The following SAMD8 variants were observed in gnomAD, a reference collection of about 807,000 sequenced individuals.
SAMD8 encodes sterile alpha motif domain containing 8.
A neutral mutation model predicts 42.0 loss-of-function variants in SAMD8; 20 were observed. That is an observed-to-expected ratio of 0.48 (90% CI 0.34 to 0.69). The LOEUF (loss-of-function observed/expected upper bound fraction) is 0.69. Ranked by LOEUF, SAMD8 falls within the 30% of genes least tolerant of loss-of-function variation. The pLI, the probability that SAMD8 is intolerant of heterozygous loss-of-function variation, is 0.01. For synonymous variants in SAMD8, 162 were observed against 173.0 expected, an observed-to-expected ratio of 0.94 and a Z score of 0.50; for missense variants, 328 against 511.6, an observed-to-expected ratio of 0.64 and a Z score of 3.46.
rs1287692855 is a variant in SAMD8, at chr10:75,179,616, A to G, written c.*2924A>G. 2 of 152,176 alleles carry G rather than the reference A, an allele frequency of 1.3e-5. No homozygotes were observed. The highest frequency in any genetic ancestry group is 4.8e-5 in the African/African-American group (2 of 41,446). The allele number at this position is 152,176 out of a possible 1,614,324, so 9.4% of individuals were successfully genotyped here. On this transcript the variant is annotated 3_prime_UTR_variant, in exon 6 of 6. Coordinates refer to ENST00000542569, the MANE Select transcript of SAMD8 (RefSeq NM_001174156.2). Reference sequence around the variant, plus strand: ...TATAAGGCAGTGTTTACATAAATTAATCATCTCTTTCTTGGAAAACATTGA... The same window carrying G: ...TATAAGGCAGTGTTTACATAAATTAGTCATCTCTTTCTTGGAAAACATTGA...
At chr10:75,164,020 A>G (rs1174979007) in intron 2 of SAMD8, among the ~76,000 whole-genome samples, 1 of 152,092 alleles carries the variant, frequency 6.6e-6, no homozygotes, top group African/African-American at 2.4e-5. Flanking sequence ...GGAGTTTGAG[A>G]CCAGCCTGGG....
chr10:75,131,939 AT>A (rs1849283201), intron 1 of SAMD8, among the ~76,000 whole-genome samples: 2 of 152,210 alleles, frequency 1.3e-5, no homozygotes, highest in Non-Finnish European at 1.5e-5. Context: ...CTCTTCTGAG[AT>A]TCTGATTCAG....
At chr10:75,151,357 A>G (rs1482127639) in intron 2 of SAMD8, among the ~76,000 whole-genome samples, 1 of 151,930 alleles carries the variant, frequency 6.6e-6, no homozygotes, top group East Asian at 1.9e-4. Context: ...TTTTAATTTA[A>G]TTTTTTATTT....
At chr10:75,168,044 T>C (rs1258407504) in intron 3 of SAMD8, among the ~76,000 whole-genome samples, 1 of 152,122 alleles carries the variant, frequency 6.6e-6, no homozygotes, top group African/African-American at 2.4e-5. Flanking sequence ...TTGCCCAGGC[T>C]GGAGTGCAAT....
chr10:75,148,288 T>C (rs1290324969), intron 1 of SAMD8, among the ~76,000 whole-genome samples: 1 of 151,784 alleles, frequency 6.6e-6, no homozygotes, highest in Non-Finnish European at 1.5e-5. Context: ...GCCAAGTTAC[T>C]GTAAGTCTTC....
intron 1 of SAMD8, among the ~76,000 whole-genome samples, chr10:75,116,874 A>T (rs910589511): frequency 5.3e-5 from 8 of 151,950 alleles, no homozygotes; most frequent in African/African-American, 1.2e-4. Flanking sequence ...CAGTGGCGTG[A>T]TGTCAGTTCA....
At chr10:75,167,758 C>A (rs967687265) in intron 3 of SAMD8, among the ~76,000 whole-genome samples, 3 of 151,372 alleles carry the variant, frequency 2.0e-5, no homozygotes, top group African/African-American at 7.3e-5. Context: ...ACATCCAGCT[C>A]ATTTTTAAAT....
intron 1 of SAMD8, among the ~76,000 whole-genome samples, chr10:75,145,716 C>A (rs1036766772): frequency 6.6e-6 from 1 of 152,140 alleles, no homozygotes; most frequent in African/African-American, 2.4e-5. Flanking sequence ...TCATTCCCCC[C>A]CAAAGTTGTA....
At chr10:75,128,073 A>ATTTTTTTTTTTTT (rs11353511) in intron 1 of SAMD8, among the ~76,000 whole-genome samples, 1 of 119,260 alleles carries the variant, frequency 8.4e-6, no homozygotes, top group Non-Finnish European at 1.7e-5. Context: ...TTCTTCTTTA[A>ATTTTTTTTTTTTT]TTTTTTTTTT....
At chr10:75,102,437 C>T (rs569558044) in intron 1 of SAMD8, among the ~76,000 whole-genome samples, 2 of 151,468 alleles carry the variant, frequency 1.3e-5, no homozygotes, top group East Asian at 1.9e-4. Context: ...GGCGAGACTC[C>T]GTCTCAAAAA....
chr10:75,116,745 A>G (rs1418606623), intron 1 of SAMD8, among the ~76,000 whole-genome samples: 1 of 152,190 alleles, frequency 6.6e-6, no homozygotes, highest in Non-Finnish European at 1.5e-5. Context: ...ACAATATTTA[A>G]TGGAGTTTGA....
chr10:75,164,660 A>T lies in SAMD8; in HGVS notation c.594A>T (p.Pro198=), dbSNP rs1321280971. 6.2e-7 allele frequency: 1 copy of T among 1,614,110 alleles called. No homozygotes were observed. Among genetic ancestry groups the T allele is most frequent in the African/African-American group, 1.3e-5 (1 of 75,066 alleles). The change falls in exon 3 of 6, where the codon CCA becomes CCT. Residue 198 remains proline (P), a synonymous_variant. Coordinates refer to ENST00000542569, the MANE Select transcript of SAMD8 (RefSeq NM_001174156.2). ...DIFLDSVPRI[P]WAFAMTEVCG... is the part of the protein sequence containing the mutation. ...TCTGTTCCAGCGTTCCTAGAATCCC[A>T]TGGGCCTTTGCCATGACGGAAGTAT...
At chr10:75,103,580 C>T (rs1045389664) in intron 1 of SAMD8, among the ~76,000 whole-genome samples, 4 of 152,234 alleles carry the variant, frequency 2.6e-5, no homozygotes, top group Non-Finnish European at 4.4e-5. Context: ...CTGTCATCCA[C>T]AGACCTTTGT....
At chr10:75,160,274 G>T (rs1399486917) in intron 2 of SAMD8, among the ~76,000 whole-genome samples, 1 of 151,966 alleles carries the variant, frequency 6.6e-6, no homozygotes, top group Non-Finnish European at 1.5e-5. Flanking sequence ...TCGGCTCACT[G>T]CAAGCTCCGC....
chr10:75,167,077 G>C (rs1840701109), intron 3 of SAMD8, among the ~76,000 whole-genome samples: 1 of 152,158 alleles, frequency 6.6e-6, no homozygotes, highest in African/African-American at 2.4e-5. Flanking sequence ...TAGTCCAACA[G>C]TACTGGTGTT....
rs113675350 is a variant in SAMD8 at position 75,133,432 on chromosome 10, C to T, written c.-15-17082C>T. 2.3e-3 allele frequency among the ~76,000 whole-genome samples: 351 copies of T among 152,204 alleles called. 1 individual carries two copies. The highest frequency in any genetic ancestry group is 7.9e-3 in the African/African-American group (329 of 41,544). On this transcript the variant is annotated intron_variant, in intron 1 of 5. Coordinates refer to ENST00000542569, the MANE Select transcript of SAMD8 (RefSeq NM_001174156.2). ...AATAAAATGAAATAGAACTACCATACGATCCAGCAATCTCTCTATTGGATA... is the reference window on the plus strand; with the variant it reads ...AATAAAATGAAATAGAACTACCATATGATCCAGCAATCTCTCTATTGGATA...
At chr10:75,126,305 T>C (rs545762361) in intron 1 of SAMD8, among the ~76,000 whole-genome samples, 1 of 152,258 alleles carries the variant, frequency 6.6e-6, no homozygotes, top group South Asian at 2.1e-4. Context: ...TCCACTTTAT[T>C]AGTCTTTTGA....
intron 3 of SAMD8, among the ~76,000 whole-genome samples, chr10:75,166,111 C>T (rs1047993009): frequency 6.6e-5 from 10 of 151,334 alleles, no homozygotes; most frequent in African/African-American, 1.9e-4. Context: ...AAAATATAGA[C>T]GAAAGAATTT....
intron 3 of SAMD8, among the ~76,000 whole-genome samples, chr10:75,168,153 C>T (rs11001312): frequency 0.099 from 15,020 of 152,064 alleles, 954 homozygotes; most frequent in East Asian, 0.24. Flanking sequence ...CACACCACCA[C>T]GCCTGGACTC....
Sources: allele counts gnomAD v4.1 joint callset (sites outside exome capture counted in the v4.1 genomes callset), GRCh38; gene constraint gnomAD v4.1.1; transcripts MANE v1.5; gene names NCBI Gene and HGNC (gene_info 2026-07-23, HGNC 2026-07-21).